The following MEIKIN variants were observed in gnomAD, a reference collection of about 807,000 sequenced individuals.
The protein encoded by MEIKIN is meiotic kinetochore factor.
At chr5:131,832,072 G>A (rs543534631) in intron 11 of MEIKIN, among the ~76,000 whole-genome samples, 12 of 151,934 alleles carry the variant, frequency 7.9e-5, no homozygotes, top group South Asian at 4.2e-4. Flanking sequence ...ACAGTCCCCC[G>A]AAGTCTTAAC....
intron 8 of MEIKIN, among the ~76,000 whole-genome samples, chr5:131,880,996 A>T (rs1750693557): frequency 6.6e-6 from 1 of 152,226 alleles, no homozygotes; most frequent in Admixed American, 6.5e-5. Context: ...TTATTTGCTA[A>T]ATCTGTTAAT....
rs905158127 is a variant in MEIKIN at position 131,916,886 on chromosome 5, G to A, written c.638C>T (p.Thr213Ile). 1.3e-5 allele frequency: 5 copies of A among 396,976 alleles called. No individual in the cohort carries two copies. The highest frequency in any genetic ancestry group is 4.1e-5 in the African/African-American group (2 of 48,552). 24.6% of individuals were successfully genotyped at this position (396,976 alleles called of 1,614,324 possible). ...SEDYQKCHRK[T>I]VMTVADQNVS... Reference sequence around the variant, plus strand: ...CAATTTTAAAATTTTTAGTTCTTACGTTTTTCTATGGCATTTCTGATAGTC... The same window carrying A: ...CAATTTTAAAATTTTTAGTTCTTACATTTTTCTATGGCATTTCTGATAGTC... Residue 213 changes from threonine to isoleucine, a missense_variant and splice_region_variant, in exon 7 of 13, where the codon ACA becomes ATA. Thr to Ile is a moderately conservative substitution (Grantham distance 89). Coordinates refer to ENST00000442687, the MANE Select transcript of MEIKIN (RefSeq NM_001303622.2).
intron 3 of MEIKIN, among the ~76,000 whole-genome samples, chr5:131,943,347 A>G (rs543510935): frequency 6.6e-6 from 1 of 152,194 alleles, no homozygotes; most frequent in Admixed American, 6.5e-5. Context: ...CAACATGAAT[A>G]AAAAAACTTG....
intron 12 of MEIKIN, among the ~76,000 whole-genome samples, chr5:131,815,628 C>T (rs910554078): frequency 3.3e-5 from 5 of 152,154 alleles, no homozygotes; most frequent in African/African-American, 7.2e-5. Context: ...TTGACTGGGG[C>T]GACTGATCCG....
At chr5:131,928,703 A>G (rs1477579702) in intron 5 of MEIKIN, among the ~76,000 whole-genome samples, 1 of 152,226 alleles carries the variant, frequency 6.6e-6, no homozygotes, top group East Asian at 1.9e-4. Context: ...ACAGTATTAC[A>G]ATTACTATTA....
At chr5:131,857,672 C>T (rs1482299827) in intron 9 of MEIKIN, among the ~76,000 whole-genome samples, 1 of 152,216 alleles carries the variant, frequency 6.6e-6, no homozygotes, top group African/African-American at 2.4e-5. Context: ...GGATGCGCAC[C>T]TGCCTACCTA....
intron 8 of MEIKIN, among the ~76,000 whole-genome samples, chr5:131,888,937 AG>A (rs1406322858): frequency 1.3e-5 from 2 of 152,224 alleles, no homozygotes; most frequent in Admixed American, 1.3e-4. Context: ...ATGGCTAGCC[AG>A]TTTTCCCAGC....
At chr5:131,937,898 C>T (rs1015699106) in intron 4 of MEIKIN, among the ~76,000 whole-genome samples, 3 of 151,764 alleles carry the variant, frequency 2.0e-5, no homozygotes, top group Admixed American at 6.6e-5. Flanking sequence ...CAGTTTGCAC[C>T]GTCCAAACTT....
At chr5:131,892,732 G>A (rs527432379) in intron 8 of MEIKIN, among the ~76,000 whole-genome samples, 14 of 152,268 alleles carry the variant, frequency 9.2e-5, no homozygotes, top group African/African-American at 1.4e-4. Context: ...GTCATTGTCC[G>A]TCCAGCTTTG....
rs1299890215 is a variant in MEIKIN, at chr5:131,945,395, T to C, written c.106+5A>G. ...GCTTACGGTGGGCGAGCCTTGAGCC[T>C]GTACCTGGCGGGGCCTCGGCCTTCG... On this transcript the variant is annotated splice_donor_5th_base_variant and intron_variant, in intron 1 of 12. Transcript: ENST00000442687. 6 of 399,010 alleles carry C rather than the reference T, an allele frequency of 1.5e-5. No homozygotes were observed. The highest frequency in any genetic ancestry group is 4.1e-5 in the African/African-American group (2 of 48,622). The allele number at this position is 399,010 out of a possible 1,614,324, so 24.7% of individuals were successfully genotyped here. A position where few individuals can be genotyped will look rare whatever the true frequency, so the allele number is the denominator to read the frequency against.
At chr5:131,898,388 C>A (rs1032090136) in intron 8 of MEIKIN, among the ~76,000 whole-genome samples, 1 of 152,214 alleles carries the variant, frequency 6.6e-6, no homozygotes, top group African/African-American at 2.4e-5. Flanking sequence ...GTCAGGGACC[C>A]ACTTGAGGAG....
intron 4 of MEIKIN, among the ~76,000 whole-genome samples, chr5:131,936,709 C>T (rs565146414): frequency 6.6e-6 from 1 of 152,264 alleles, no homozygotes; most frequent in South Asian, 2.1e-4. Context: ...ATCCTCCCAC[C>T]TCAGCCTCCT....
chr5:131,834,467 C>T (rs1413158302), intron 11 of MEIKIN, among the ~76,000 whole-genome samples: 2 of 152,052 alleles, frequency 1.3e-5, no homozygotes, highest in African/African-American at 4.8e-5. Flanking sequence ...AAGTTGGTAC[C>T]CTTTGACCAG....
At chr5:131,931,384 T>C (rs1751692471) in intron 5 of MEIKIN, among the ~76,000 whole-genome samples, 1 of 152,096 alleles carries the variant, frequency 6.6e-6, no homozygotes, top group Non-Finnish European at 1.5e-5. Flanking sequence ...CTATGGCAAA[T>C]GTTTGTGTCC....
chr5:131,865,604 C>A (rs1445052026), intron 9 of MEIKIN, among the ~76,000 whole-genome samples: 3 of 152,188 alleles, frequency 2.0e-5, no homozygotes, highest in Non-Finnish European at 4.4e-5. Flanking sequence ...TTTCAAGTTT[C>A]CTGTGTCCTT....
At chr5:131,908,362 G>A (rs1275413452) in intron 8 of MEIKIN, among the ~76,000 whole-genome samples, 1 of 151,998 alleles carries the variant, frequency 6.6e-6, no homozygotes, top group Non-Finnish European at 1.5e-5. Context: ...CTAGAAAATC[G>A]TGATAAAATT....
At chr5:131,917,252 A>G (rs1205069282) in intron 6 of MEIKIN, among the ~76,000 whole-genome samples, 1 of 152,112 alleles carries the variant, frequency 6.6e-6, no homozygotes, top group Non-Finnish European at 1.5e-5. Flanking sequence ...TTTACATATA[A>G]GAAAAAAATA....
chr5:131,874,186 G>A lies in MEIKIN; in HGVS notation c.774+4792C>T, dbSNP rs1243503823. On this transcript the variant is annotated intron_variant, in intron 9 of 12. Coordinates refer to ENST00000442687, the MANE Select transcript of MEIKIN (RefSeq NM_001303622.2). ...AAATAGAGACACAAAAAAACCCTTC[G>A]AAAAATTAATGAATCCAGGAGCTGG... 6.6e-5 allele frequency among the ~76,000 whole-genome samples: 10 copies of A among 151,924 alleles called. No individual in the cohort carries two copies. The East Asian group carries it at 7.7e-4, about 12-fold the overall frequency.
In MEIKIN at chr5:131,945,266, C is replaced by G. The variant is rs1561762884; in HGVS notation, c.107-17G>C. On this transcript the variant is annotated splice_polypyrimidine_tract_variant and intron_variant, in intron 1 of 12. Coordinates refer to ENST00000442687, the MANE Select transcript of MEIKIN (RefSeq NM_001303622.2). ...TCTTCGAACCTGAGAGAGGGCGGCACGTTTCAGGGCAAGAAACCTACCCAC... is the reference window on the plus strand; with the variant it reads ...TCTTCGAACCTGAGAGAGGGCGGCAGGTTTCAGGGCAAGAAACCTACCCAC... 1 of 399,022 alleles carries G rather than the reference C, an allele frequency of 2.5e-6. No homozygotes were observed. Among genetic ancestry groups the G allele is most frequent in the African/African-American group, 2.1e-5 (1 of 48,650 alleles). 24.7% of individuals were successfully genotyped at this position (399,022 alleles called of 1,614,324 possible).
Sources: allele counts gnomAD v4.1 joint callset (sites outside exome capture counted in the v4.1 genomes callset), GRCh38; gene constraint gnomAD v4.1.1; transcripts MANE v1.5; gene names NCBI Gene and HGNC (gene_info 2026-07-23, HGNC 2026-07-21).